The following COL22A1 variants were observed in gnomAD, a reference collection of about 807,000 sequenced individuals.
COL22A1 encodes collagen type XXII alpha 1 chain, also known as collagen alpha-1(XXII) chain.
In COL22A1, 221 loss-of-function variants were observed where a neutral mutation model predicts 248.9. The observed-to-expected ratio is 0.89, with a 90% confidence interval of 0.80 to 0.99. The LOEUF (loss-of-function observed/expected upper bound fraction) is 0.99. Ranked by LOEUF, COL22A1 falls within the 50% of genes least tolerant of loss-of-function variation. The pLI is 0.00. For missense variants in COL22A1, 2,240 were observed against 2,179.0 expected, an observed-to-expected ratio of 1.03 and a Z score of -0.56; for synonymous variants, 891 against 793.4, an observed-to-expected ratio of 1.12 and a Z score of -2.07.
intron 39 of COL22A1, 92 bp downstream of exon 39, chr8:138,684,333 G>A (rs1826179826): frequency 2.4e-6 from 2 of 823,144 alleles, no homozygotes; most frequent in Non-Finnish European, 4.4e-6. Flanking sequence ...GAAGTGGACT[G>A]AGGTAACCGG....
rs1831223096 is a variant in COL22A1 at position 138,737,577 on chromosome 8, CCT to C, written c.2086-2_2086-1del. 3.7e-6 allele frequency: 6 copies of C among 1,607,782 alleles called. No individual in the cohort carries two copies. The highest frequency in any genetic ancestry group is 1.3e-5 in the African/African-American group (1 of 74,712). ...GGTGGTCCCATGTCACCTTTCTTCC[CCT>C]GAGTGTAAAAGAAGAAGCTAAAATT... On this transcript the variant is annotated splice_acceptor_variant, in intron 22 of 64. Coordinates refer to ENST00000303045, the MANE Select transcript of COL22A1 (RefSeq NM_152888.3). LOFTEE classifies it high-confidence loss of function.
In COL22A1 at chr8:138,608,009, T is replaced by A. The variant is rs992815163; in HGVS notation, c.3979-20A>T. ...CTTGCCCTGGTGGAAGAAACAGAGGTAATCATCCTGCCAGGGCATCAAAGA... is the reference window on the plus strand; with the variant it reads ...CTTGCCCTGGTGGAAGAAACAGAGGAAATCATCCTGCCAGGGCATCAAAGA... On this transcript the variant is annotated intron_variant, in intron 56 of 64. Coordinates refer to ENST00000303045, the MANE Select transcript of COL22A1 (RefSeq NM_152888.3). 6.2e-7 allele frequency: 1 copy of A among 1,613,094 alleles called. No individual in the cohort carries two copies. The highest frequency in any genetic ancestry group is 8.5e-7 in the Non-Finnish European group (1 of 1,179,362).
At chr8:138,850,745 C>T (rs927968029) in intron 3 of COL22A1, among the ~76,000 whole-genome samples, 4 of 152,212 alleles carry the variant, frequency 2.6e-5, no homozygotes, top group Non-Finnish European at 4.4e-5. Context: ...GTCAGACAGA[C>T]CTCACCTCTT....
intron 23 of COL22A1, among the ~76,000 whole-genome samples, chr8:138,735,760 A>G (rs905793922): frequency 6.6e-6 from 1 of 152,214 alleles, no homozygotes; most frequent in Non-Finnish European, 1.5e-5. Context: ...TCAAGGGTGC[A>G]GAAATGAAGT....
At chr8:138,711,545 C>A (rs1168652638) in intron 30 of COL22A1, among the ~76,000 whole-genome samples, 1 of 152,176 alleles carries the variant, frequency 6.6e-6, no homozygotes, top group Admixed American at 6.5e-5. Context: ...ATAGAAACTG[C>A]ATTTCTGAAA....
intron 38 of COL22A1, 82 bp downstream of exon 38, chr8:138,685,126 T>C (rs1826241278): frequency 1.0e-6 from 1 of 980,684 alleles, no homozygotes; most frequent in Non-Finnish European, 1.6e-6. Context: ...CTGCAAAGTT[T>C]GGCAGTTAGA....
In COL22A1 at chr8:138,808,979, T is replaced by G. The variant is rs543724041; in HGVS notation, c.1450-1167A>C. Among the ~76,000 whole-genome samples, 6 of 152,338 alleles carry G rather than the reference T, an allele frequency of 3.9e-5. No homozygotes were observed. In the South Asian group the frequency reaches 1.2e-3, roughly 32 times the overall value. ...ATGTTTTGCAAACTCAATTGAAGTT[T>G]TAAACCACTGGAAACAATGTCTGTC... On this transcript the variant is annotated intron_variant, in intron 9 of 64. Transcript: ENST00000303045.
intron 23 of COL22A1, among the ~76,000 whole-genome samples, chr8:138,732,208 G>A (rs1321335798): frequency 6.6e-6 from 1 of 152,160 alleles, no homozygotes; most frequent in Admixed American, 6.5e-5. Flanking sequence ...TCCTTTTATA[G>A]ATGAGAATAT....
At chr8:138,846,923 T>G (rs1002217447) in intron 3 of COL22A1, among the ~76,000 whole-genome samples, 5 of 152,098 alleles carry the variant, frequency 3.3e-5, no homozygotes, top group Non-Finnish European at 7.4e-5. Context: ...TCCAAACACG[T>G]GAGTGAAAGA....
intron 3 of COL22A1, among the ~76,000 whole-genome samples, chr8:138,850,954 G>C (rs1218347121): frequency 6.6e-6 from 1 of 152,172 alleles, no homozygotes; most frequent in African/African-American, 2.4e-5. Context: ...CCAAGTGCCT[G>C]GCACACGTCT....
chr8:138,716,336 A>AG, intron 28 of COL22A1, 47 bp from the exon 29 acceptor site: 2 of 1,360,258 alleles, frequency 1.5e-6, no homozygotes, highest in Non-Finnish European at 2.0e-6. Flanking sequence ...AGGCTCTCCC[A>AG]GGGGCCAAGC....
At chr8:138,737,629 A>G (rs1457052902) in intron 22 of COL22A1, 52 bp from the exon 23 acceptor site, 5 of 1,237,876 alleles carry the variant, frequency 4.0e-6, no homozygotes, top group Non-Finnish European at 6.0e-6. Flanking sequence ...TGTCAACCAG[A>G]GGGGGTTTAA....
At chr8:138,694,905 G>T in intron 32 of COL22A1, 26 bp from the exon 33 acceptor site, 1 of 1,611,892 alleles carries the variant, frequency 6.2e-7, no homozygotes, top group Non-Finnish European at 8.5e-7. Flanking sequence ...ATAGGGTAGA[G>T]TGGACTTCAG....
chr8:138,849,332 T>C (rs958456691), intron 3 of COL22A1, among the ~76,000 whole-genome samples: 1 of 152,184 alleles, frequency 6.6e-6, no homozygotes, highest in South Asian at 2.1e-4. Context: ...CAGACGCTGT[T>C]CCAAGCATGT....
intron 11 of COL22A1, among the ~76,000 whole-genome samples, chr8:138,802,641 T>C (rs1817094771): frequency 6.6e-6 from 1 of 152,116 alleles, no homozygotes; most frequent in South Asian, 2.1e-4. Context: ...CACAGAATTC[T>C]GGTTATGGGG....
At chr8:138,850,746 C>G (rs960666981) in intron 3 of COL22A1, among the ~76,000 whole-genome samples, 1 of 152,210 alleles carries the variant, frequency 6.6e-6, no homozygotes, top group African/African-American at 2.4e-5. Flanking sequence ...TCAGACAGAC[C>G]TCACCTCTTC....
At chr8:138,771,224 G>A (rs561578649) in intron 16 of COL22A1, among the ~76,000 whole-genome samples, 3 of 152,296 alleles carry the variant, frequency 2.0e-5, no homozygotes, top group Admixed American at 6.5e-5. Flanking sequence ...GATGATCTTC[G>A]CTTCCTGAGC....
At chr8:138,661,292 G>A (rs77522352) in intron 43 of COL22A1, among the ~76,000 whole-genome samples, 9,552 of 152,278 alleles carry the variant, frequency 0.063, 428 homozygotes, top group Non-Finnish European at 0.1. Flanking sequence ...CAGAACCCAA[G>A]GAAGAGAAGG....
intron 30 of COL22A1, among the ~76,000 whole-genome samples, chr8:138,714,073 T>C (rs1829242641): frequency 6.6e-6 from 1 of 152,224 alleles, no homozygotes; most frequent in African/African-American, 2.4e-5. Context: ...ACATCCTCTG[T>C]TACACTGTGA....
Sources: allele counts gnomAD v4.1 joint callset (sites outside exome capture counted in the v4.1 genomes callset), GRCh38; gene constraint gnomAD v4.1.1; transcripts MANE v1.5; gene names NCBI Gene and HGNC (gene_info 2026-07-23, HGNC 2026-07-21).